Variants in ERAP1 observed in about 807,000 individuals in gnomAD.
ERAP1 encodes the protein endoplasmic reticulum aminopeptidase 1.
In ERAP1, 86 loss-of-function variants were observed where a neutral mutation model predicts 103.7. The ratio of observed to expected loss-of-function variants is 0.83; its 90% CI spans 0.70 to 0.99. The LOEUF is 0.99. Among genes scored for constraint, ERAP1 ranks in the 50% least tolerant of loss-of-function variants. The pLI, the probability that ERAP1 is intolerant of heterozygous loss-of-function variation, is 0.00. For missense variants in ERAP1, 1,009 were observed against 1,128.4 expected, an observed-to-expected ratio of 0.89 and a Z score of 1.52; for synonymous variants, 398 against 402.4, an observed-to-expected ratio of 0.99 and a Z score of 0.13.
At chr5:96,892,846 C>T in the ERAP1 span, among the ~76,000 whole-genome samples, 2 of 152,174 alleles carry the variant, frequency 1.3e-5, no homozygotes, top group Non-Finnish European at 2.9e-5. Flanking sequence ...CAAAATCACT[C>T]TTCCTTCAGT....
intron 19 of ERAP1, chr5:96,767,560 A>G (rs1387884936): frequency 9.5e-7 from 1 of 1,052,952 alleles, no homozygotes; most frequent in Non-Finnish European, 1.5e-6. Flanking sequence ...TTAGAAAACT[A>G]AAACATATTG....
the ERAP1 span, among the ~76,000 whole-genome samples, chr5:96,889,769 C>A: frequency 6.6e-6 from 1 of 151,950 alleles, no homozygotes; most frequent in Non-Finnish European, 1.5e-5. Context: ...CACCTCCCAT[C>A]GTGCTGCTCT....
At chr5:96,881,623 G>C in the ERAP1 span, 2 of 406,242 alleles carry the variant, frequency 4.9e-6, no homozygotes, top group Non-Finnish European at 9.8e-6. Flanking sequence ...GGGCAGCTCA[G>C]ATTGCTATAG....
At chr5:96,793,733 G>T in intron 6 of ERAP1, 70 bp downstream of exon 6, 1 of 1,341,164 alleles carries the variant, frequency 7.5e-7, no homozygotes, top group Non-Finnish European at 1.0e-6. Flanking sequence ...TATATAAATA[G>T]CCTTATATGT....
In ERAP1 at chr5:96,807,870, G is replaced by A; in HGVS notation, c.-28C>T. ...TCGAGCGCGCTGTACCTGGGGTTCT[G>A]GGGCCGCCCTCACCCTTGCGCCGCC... On this transcript the variant is annotated 5_prime_UTR_variant, in exon 1 of 19. Coordinates refer to ENST00000443439, the MANE Select transcript of ERAP1 (RefSeq NM_001040458.3). 1.2e-5 allele frequency: 12 copies of A among 986,068 alleles called. No individual in the cohort carries two copies. Among genetic ancestry groups the A allele is most frequent in the Non-Finnish European group, 1.2e-5 (10 of 830,382 alleles). The allele number at this position is 986,068 out of a possible 1,614,324, so 61.1% of individuals were successfully genotyped here. A position where few individuals can be genotyped will look rare whatever the true frequency, so the allele number is the denominator to read the frequency against.
the ERAP1 span, among the ~76,000 whole-genome samples, chr5:96,841,284 G>A: frequency 4.6e-5 from 7 of 152,042 alleles, no homozygotes; most frequent in East Asian, 3.9e-4. Context: ...CTGGGTTGGC[G>A]GTATCTGTAT....
the ERAP1 span, among the ~76,000 whole-genome samples, chr5:96,893,711 T>C: frequency 6.6e-6 from 1 of 152,178 alleles, no homozygotes; most frequent in African/African-American, 2.4e-5. Flanking sequence ...CCCCACTTTT[T>C]TGTCTTCCCA....
At position 96,790,567 on chromosome 5, in the gene ERAP1, T is replaced by A. The variant is rs1776622256; in HGVS notation, c.1397A>T (p.Gln466Leu). ...AFKSGIVQYLQKHSYKNTKNE... is the reference protein window; with the variant it reads ...AFKSGIVQYLLKHSYKNTKNE... Reference sequence around the variant, plus strand: ...TTTTGTATTTTTATAGCTATGCTTCTGGAGATACTGTACAATACCACTTTT... The same window carrying A: ...TTTTGTATTTTTATAGCTATGCTTCAGGAGATACTGTACAATACCACTTTT... Residue 466 changes from glutamine to leucine, a missense_variant, in exon 9 of 19, where the codon CAG becomes CTG. Transcript: ENST00000443439. The A allele has an allele frequency of 6.2e-7, 1 of 1,613,616 alleles. No homozygotes were observed. Among genetic ancestry groups the A allele is most frequent in the Non-Finnish European group, 8.5e-7 (1 of 1,179,614 alleles).
At position 96,798,790 on chromosome 5, in the gene ERAP1, C is replaced by T. The variant is rs548538103; in HGVS notation, c.664-1481G>A. Among the ~76,000 whole-genome samples the T allele has an allele frequency of 3.3e-5, 5 of 151,828 alleles. No homozygotes were observed. In the East Asian group the frequency reaches 9.7e-4, roughly 29 times the overall value. Reference sequence around the variant, plus strand: ...ATTCAAACCAACTCTGCTACCCAGCCTAGGATTACTCATAAAGGATCCCAA... The same window carrying T: ...ATTCAAACCAACTCTGCTACCCAGCTTAGGATTACTCATAAAGGATCCCAA... On this transcript the variant is annotated intron_variant, in intron 3 of 18. Coordinates refer to ENST00000443439, the MANE Select transcript of ERAP1 (RefSeq NM_001040458.3).
intron 19 of ERAP1, chr5:96,766,180 C>A: frequency 8.7e-7 from 1 of 1,144,302 alleles, no homozygotes; most frequent in Non-Finnish European, 1.3e-6. Context: ...CGGATTTATG[C>A]TACCAAGATC....
intron 3 of ERAP1, 76 bp downstream of exon 3, chr5:96,800,786 A>T: frequency 6.7e-7 from 1 of 1,501,164 alleles, no homozygotes; most frequent in Non-Finnish European, 9.3e-7. Flanking sequence ...CCCAATGTTG[A>T]CTGTCACTGG....
intron 19 of ERAP1, among the ~76,000 whole-genome samples, chr5:96,765,034 CTCTTCT>C (rs1389617816): frequency 1.3e-5 from 2 of 149,324 alleles, no homozygotes; most frequent in Non-Finnish European, 3.0e-5. Context: ...GATACTGCCG[CTCTTCT>C]CCTGATCTTC....
At chr5:96,916,298 G>A in the ERAP1 span, among the ~76,000 whole-genome samples, 4 of 151,498 alleles carry the variant, frequency 2.6e-5, no homozygotes, top group Admixed American at 1.3e-4. Flanking sequence ...CTTAAAATAC[G>A]TGTATTCATA....
chr5:96,826,739 G>A, the ERAP1 span, among the ~76,000 whole-genome samples: 10 of 152,246 alleles, frequency 6.6e-5, no homozygotes, highest in African/African-American at 2.4e-4. Context: ...AAAACCATCT[G>A]AATTTTTGAC....
chr5:96,782,018 T>C (rs1437198502), intron 15 of ERAP1, among the ~76,000 whole-genome samples, 164 bp from the exon 16 acceptor site: 1 of 151,834 alleles, frequency 6.6e-6, no homozygotes, highest in Non-Finnish European at 1.5e-5. Context: ...ATTTTTTTTT[T>C]TTTTTTTTTT....
chr5:96,906,760 A>C, the ERAP1 span, among the ~76,000 whole-genome samples: 30 of 152,270 alleles, frequency 2.0e-4, no homozygotes, highest in Admixed American at 9.8e-4. Context: ...CATTGGGCGC[A>C]GTGGCTCACG....
chr5:96,814,482 C>CA, the ERAP1 span, among the ~76,000 whole-genome samples: 1 of 151,830 alleles, frequency 6.6e-6, no homozygotes, highest in Non-Finnish European at 1.5e-5. Context: ...AGACATATAT[C>CA]AAAAAAATAA....
At chr5:96,813,546 G>C in the ERAP1 span, among the ~76,000 whole-genome samples, 1 of 150,848 alleles carries the variant, frequency 6.6e-6, no homozygotes, top group Non-Finnish European at 1.5e-5. Context: ...CCAGTTACTT[G>C]GGAGGCTGAG....
chr5:96,790,357 G>A lies in ERAP1; in HGVS notation c.1463C>T (p.Thr488Ile), dbSNP rs1561269228. ...LWDSMASICP[T>I]DGVKGMDGFC... ...GCCATCCATCCCTTTTACACCATCT[G>A]TAGGGCAAATCTAAAAACCAAAAAT... The change falls in exon 10 of 19, where the codon ACA (threonine) becomes ATA (isoleucine). Residue 488 changes from threonine (T) to isoleucine (I), a missense_variant. Coordinates refer to ENST00000443439, the MANE Select transcript of ERAP1 (RefSeq NM_001040458.3). The A allele has an allele frequency of 9.9e-6, 16 of 1,613,946 alleles. No homozygotes were observed. The highest frequency in any genetic ancestry group is 1.3e-5 in the Non-Finnish European group (15 of 1,179,982).
Sources: allele counts gnomAD v4.1 joint callset (sites outside exome capture counted in the v4.1 genomes callset), GRCh38; gene constraint gnomAD v4.1.1; transcripts MANE v1.5; gene names NCBI Gene and HGNC (gene_info 2026-07-23, HGNC 2026-07-21).